The following TTC9B variants were observed in gnomAD, a reference collection of about 807,000 sequenced individuals.
TTC9B encodes the protein tetratricopeptide repeat domain 9B.
In TTC9B, 12 loss-of-function variants were observed where a neutral mutation model predicts 19.4. The observed-to-expected ratio is 0.62, with a 90% CI of 0.40 to 1.00. TTC9B has a LOEUF of 1.00. Ranked by LOEUF, TTC9B falls within the 50% of genes least tolerant of loss-of-function variation. The pLI, the probability that TTC9B is intolerant of heterozygous loss-of-function variation, is 0.00. For missense variants in TTC9B, 316 were observed against 345.2 expected (o/e 0.92, Z 0.67); for synonymous variants, 156 against 158.6 (o/e 0.98, Z 0.12).
chr19:40,218,215 G>A lies in TTC9B; in HGVS notation c.167C>T (p.Ala56Val). The change falls in exon 1 of 3, where the codon GCG (alanine) becomes GTG (valine). Residue 56 changes from alanine to valine, a missense_variant. Transcript: ENST00000311308. The surrounding 1 kb of genome is among the most constrained non-coding windows in gnomAD (Gnocchi z 4.2). ...PTPEPSGSLG[A>V]ALDSSLRAAV... Reference sequence around the variant, plus strand: ...GGCACGCAGGCTGCTGTCGAGCGCCGCGCCCAGGCTCCCCGACGGCTCTGG... The same window carrying A: ...GGCACGCAGGCTGCTGTCGAGCGCCACGCCCAGGCTCCCCGACGGCTCTGG... 2 of 1,568,668 alleles carry A rather than the reference G, an allele frequency of 1.3e-6. No individual in the cohort carries two copies. Among genetic ancestry groups the A allele is most frequent in the East Asian group, 2.6e-5 (1 of 38,914 alleles).
Position 40,218,250 on chromosome 19 carries a change from G to A in TTC9B, c.132C>T (p.Pro44=). ...TCCCCGACGGCTCTGGGGTAGGACC[G>A]GGACGAGCCGAGCCATGGCGGGAGC... ...GSGSRHGSAR[P]GPTPEPSGSL... Residue 44 remains proline (P), a synonymous_variant, in exon 1 of 3, where the codon CCC becomes CCT. Coordinates refer to ENST00000311308, the MANE Select transcript of TTC9B (RefSeq NM_152479.6). This position sits in a 1 kb window ranked among gnomAD's most constrained non-coding sequence, Gnocchi z 4.2. 3 of 1,493,932 alleles carry A rather than the reference G, an allele frequency of 2.0e-6. No homozygotes were observed. The highest frequency in any genetic ancestry group is 2.7e-6 in the Non-Finnish European group (3 of 1,129,554). 92.5% of individuals were successfully genotyped at this position (1,493,932 alleles called of 1,614,324 possible).
intron 1 of TTC9B, chr19:40,217,701 G>A (rs2145108319): frequency 1.9e-6 from 1 of 515,118 alleles, no homozygotes; most frequent in Non-Finnish European, 3.4e-6. Flanking sequence ...CCAGGGGGTG[G>A]AAAGAATGAC....
intron 2 of TTC9B, 198 bp from the exon 3 acceptor site, chr19:40,216,470 G>A (rs141768207): frequency 2.5e-5 from 14 of 563,574 alleles, no homozygotes; most frequent in African/African-American, 1.5e-4. Context: ...ACCTCTGTGC[G>A]CCTGTATTTG....
Position 40,218,181 on chromosome 19 carries a change from C to T in TTC9B, c.201G>A (p.Ala67=), listed in dbSNP as rs147617598. Residue 67 remains alanine (A), a synonymous_variant, in exon 1 of 3, where the codon GCG becomes GCA. Transcript: ENST00000311308. This position sits in a 1 kb window ranked among gnomAD's most constrained non-coding sequence, Gnocchi z 4.2. ...ALDSSLRAAV[A]FKAEGQRCYR... ...AGCAGCGCTGGCCCTCTGCCTTGAACGCCACGGCGGCACGCAGGCTGCTGT... is the reference window on the plus strand; with the variant it reads ...AGCAGCGCTGGCCCTCTGCCTTGAATGCCACGGCGGCACGCAGGCTGCTGT... 1.3e-6 allele frequency: 2 copies of T among 1,576,238 alleles called. No individual in the cohort carries two copies. Among genetic ancestry groups the T allele is most frequent in the African/African-American group, 2.8e-5 (2 of 70,762 alleles).
Position 40,217,196 on chromosome 19 carries a change from C to G in TTC9B, c.601G>C (p.Glu201Gln), listed in dbSNP as rs551847967. 6.2e-7 allele frequency: 1 copy of G among 1,612,120 alleles called. No homozygotes were observed. Among genetic ancestry groups the G allele is most frequent in the Non-Finnish European group, 8.5e-7 (1 of 1,179,534 alleles). Reference protein sequence around the residue: ...LRYLQEARSREPTDTNVLRYI... With the variant: ...LRYLQEARSRQPTDTNVLRYI... ...CCGCCCCGCCACTCACCTGTGGGTTCCCGGCTGCGGGCCTCCTGCAGGTAG... is the reference window on the plus strand; with the variant it reads ...CCGCCCCGCCACTCACCTGTGGGTTGCCGGCTGCGGGCCTCCTGCAGGTAG... The change falls in exon 2 of 3, where the codon GAA becomes CAA. Residue 201 changes from glutamate (E) to glutamine (Q), a missense_variant. Glu to Gln is a conservative substitution (Grantham distance 29, BLOSUM62 2). Coordinates refer to ENST00000311308, the MANE Select transcript of TTC9B (RefSeq NM_152479.6).
At chr19:40,217,409 G>T (rs748519700) in intron 1 of TTC9B, 40 bp from the exon 2 acceptor site, 2 of 1,597,188 alleles carry the variant, frequency 1.3e-6, no homozygotes, top group East Asian at 4.5e-5. Context: ...GAGCCTGCTG[G>T]CACCCCCAGA....
chr19:40,217,393 C>T (rs2145107921), intron 1 of TTC9B, 24 bp from the exon 2 acceptor site: 1 of 1,604,128 alleles, frequency 6.2e-7, no homozygotes, highest in East Asian at 2.2e-5. Context: ...GCGGCCGGCA[C>T]TCTCAGAGCC....
In TTC9B at chr19:40,218,059, G is replaced by A. The variant is rs781352523; in HGVS notation, c.323C>T (p.Ala108Val). 44 of 1,520,640 alleles carry A rather than the reference G, an allele frequency of 2.9e-5. No individual in the cohort carries two copies. The African/African-American group carries it at 4.9e-4, about 17-fold the overall frequency. 94.2% of individuals were successfully genotyped at this position (1,520,640 alleles called of 1,614,324 possible). A position where few individuals can be genotyped will look rare whatever the true frequency, so the allele number is the denominator to read the frequency against. Residue 108 changes from alanine to valine, a missense_variant, in exon 1 of 3, where the codon GCC (alanine) becomes GTC (valine). Ala to Val is a moderately conservative substitution (Grantham distance 64). Coordinates refer to ENST00000311308, the MANE Select transcript of TTC9B (RefSeq NM_152479.6). The surrounding 1 kb of genome is among the most constrained non-coding windows in gnomAD (Gnocchi z 4.2). ...AQGARPSGLPAPAPGPTSSPG... is the reference protein window; with the variant it reads ...AQGARPSGLPVPAPGPTSSPG... ...GCTGCTGGTGGGCCCGGGGGCGGGG[G>A]CGGGCAGGCCGCTAGGGCGGGCCCC...
At chr19:40,217,860 C>T in intron 1 of TTC9B, 95 bp downstream of exon 1, 12 of 1,180,258 alleles carry the variant, frequency 1.0e-5, no homozygotes, top group Non-Finnish European at 1.2e-5. Context: ...CAGCCCTGGA[C>T]CCTTCAGCCC....
chr19:40,218,208 G>A lies in TTC9B; in HGVS notation c.174C>T (p.Leu58=), dbSNP rs747722549. Residue 58 remains leucine (L), a synonymous_variant, in exon 1 of 3, where the codon CTC becomes CTT. Coordinates refer to ENST00000311308, the MANE Select transcript of TTC9B (RefSeq NM_152479.6). This position sits in a 1 kb window ranked among gnomAD's most constrained non-coding sequence, Gnocchi z 4.2. ...CCACGGCGGCACGCAGGCTGCTGTC[G>A]AGCGCCGCGCCCAGGCTCCCCGACG... The part of the protein sequence containing the change: ...PEPSGSLGAA[L]DSSLRAAVAF... The A allele has an allele frequency of 1.1e-5, 18 of 1,571,570 alleles. No homozygotes were observed. Among genetic ancestry groups the A allele is most frequent in the South Asian group, 4.6e-5 (4 of 86,480 alleles).
chr19:40,217,031 G>A (rs1483701812), intron 2 of TTC9B, 156 bp downstream of exon 2: 4 of 746,134 alleles, frequency 5.4e-6, no homozygotes, highest in Non-Finnish European at 8.5e-6. Flanking sequence ...GAGTGGGCGT[G>A]TAGGGAGTAG....
intron 2 of TTC9B, 96 bp downstream of exon 2, chr19:40,217,091 G>T: frequency 7.3e-7 from 1 of 1,374,554 alleles, no homozygotes; most frequent in Non-Finnish European, 9.8e-7. Flanking sequence ...GGAGGGCTCT[G>T]CTATTCTGCC....
At position 40,217,188 on chromosome 19, in the gene TTC9B, T is replaced by A. The variant is rs773992617; in HGVS notation, c.609A>T (p.Thr203=). ...CCTCTGCCCCGCCCCGCCACTCACC[T>A]GTGGGTTCCCGGCTGCGGGCCTCCT... The part of the protein sequence containing the change: ...YLQEARSREP[T]DTNVLRYIQL... The change falls in exon 2 of 3, where the codon ACA becomes ACT. Residue 203 remains threonine (T), a splice_region_variant and synonymous_variant. Transcript: ENST00000311308. The A allele has an allele frequency of 3.8e-5, 62 of 1,611,098 alleles. No individual in the cohort carries two copies. Among genetic ancestry groups the A allele is most frequent in the Non-Finnish European group, 5.0e-5 (59 of 1,179,264 alleles).
intron 1 of TTC9B, 39 bp downstream of exon 1, chr19:40,217,916 T>TCCCC: frequency 1.4e-6 from 1 of 729,992 alleles, no homozygotes; most frequent in Non-Finnish European, 1.8e-6. Context: ...GATTGCCCCC[T>TCCCC]CCCCTCGTGC....
At chr19:40,216,466 GT>G in intron 2 of TTC9B, 194 bp from the exon 3 acceptor site, 1 of 571,888 alleles carries the variant, frequency 1.7e-6, no homozygotes, top group Non-Finnish European at 3.1e-6. Flanking sequence ...GCACACCTCT[GT>G]GCGCCTGTAT....
intron 2 of TTC9B, chr19:40,216,514 G>C (rs1243560678): frequency 3.8e-6 from 2 of 525,842 alleles, no homozygotes; most frequent in Admixed American, 7.1e-5. Context: ...TCTTCGCAGA[G>C]GCTCCCGTCA....
chr19:40,218,317 G>C lies in TTC9B; in HGVS notation c.65C>G (p.Pro22Arg). The C allele has an allele frequency of 2.9e-6, 4 of 1,369,166 alleles. No homozygotes were observed. The highest frequency in any genetic ancestry group is 3.7e-6 in the Non-Finnish European group (4 of 1,070,004). The allele number at this position is 1,369,166 out of a possible 1,614,324, so 84.8% of individuals were successfully genotyped here. A position where few individuals can be genotyped will look rare whatever the true frequency, so the allele number is the denominator to read the frequency against. ...GCCCGGTGGGGAGAGGGCGGGAGGC[G>C]GGCGCGGCGGAGGCTCCGGGGCAGC... ...LSAAPEPPPR[P>R]PPALSPPGSG... The change falls in exon 1 of 3, where the codon CCG (proline) becomes CGG (arginine). Residue 22 changes from proline to arginine, a missense_variant. By Grantham distance (103) the Pro-to-Arg change is moderately radical. Transcript: ENST00000311308. The surrounding 1 kb of genome is among the most constrained non-coding windows in gnomAD (Gnocchi z 4.2).
At chr19:40,217,932 C>CA in intron 1 of TTC9B, 23 bp downstream of exon 1, 1 of 1,174,290 alleles carries the variant, frequency 8.5e-7, no homozygotes, top group Non-Finnish European at 1.1e-6. Flanking sequence ...CGTGCCCCAT[C>CA]CCCCCACCCC....
At chr19:40,217,930 A>AAACC in intron 1 of TTC9B, 25 bp downstream of exon 1, 2 of 702,574 alleles carry the variant, frequency 2.8e-6, no homozygotes, top group African/African-American at 1.1e-4. Context: ...CTCGTGCCCC[A>AAACC]TCCCCCCACC....
Sources: gnomAD v4.1 joint callset for allele counts on GRCh38, gnomAD v4.1.1 for gene constraint, Gnocchi (gnomAD v3.1) non-coding constraint, MANE v1.5 for transcripts, NCBI Gene and HGNC (gene_info 2026-07-23, HGNC 2026-07-21) for gene names.